The following PBX3 variants were observed in gnomAD, a reference collection of about 807,000 sequenced individuals.
PBX3 encodes PBX homeobox 3, also known as pre-B-cell leukemia transcription factor 3.
Under a neutral mutation model 48.5 loss-of-function variants are expected in PBX3, and 14 were observed. The observed-to-expected ratio is 0.29, with a 90% CI of 0.19 to 0.45. The LOEUF is 0.45. Among genes scored for constraint, PBX3 ranks in the 20% least tolerant of loss-of-function variants. PBX3 has a pLI of 1.00. For synonymous variants in PBX3, 210 were observed against 200.3 expected (o/e 1.05, Z -0.41); for missense variants, 386 against 546.7 (o/e 0.71, Z 2.93).
intron 2 of PBX3, among the ~76,000 whole-genome samples, chr9:125,751,388 G>A (rs1401254946): frequency 6.6e-6 from 1 of 152,210 alleles, no homozygotes; most frequent in Non-Finnish European, 1.5e-5. Flanking sequence ...AACACTGCCA[G>A]TTCTTATGCA....
At chr9:125,930,118 G>C (rs911968225) in intron 4 of PBX3, among the ~76,000 whole-genome samples, 11 of 152,184 alleles carry the variant, frequency 7.2e-5, no homozygotes, top group Admixed American at 2.0e-4. Flanking sequence ...TTTCCATTCT[G>C]ATGCTAAAAG....
At chr9:125,805,241 G>C (rs916363992) in intron 2 of PBX3, among the ~76,000 whole-genome samples, 2 of 152,066 alleles carry the variant, frequency 1.3e-5, no homozygotes, top group Non-Finnish European at 2.9e-5. Flanking sequence ...GCTGTGGTAA[G>C]GATTTGTTGG....
intron 2 of PBX3, among the ~76,000 whole-genome samples, chr9:125,865,011 C>T (rs1453944762): frequency 6.6e-6 from 1 of 152,208 alleles, no homozygotes; most frequent in East Asian, 1.9e-4. Context: ...GTTGTGCATG[C>T]ATAACATAAA....
chr9:125,950,020 T>C (rs1376020301), intron 5 of PBX3, among the ~76,000 whole-genome samples: 1 of 152,044 alleles, frequency 6.6e-6, no homozygotes, highest in Non-Finnish European at 1.5e-5. Flanking sequence ...GAAGGAAAAC[T>C]ATTGAGTTGT....
At chr9:125,916,873 A>G (rs1262670211) in intron 3 of PBX3, among the ~76,000 whole-genome samples, 2 of 152,208 alleles carry the variant, frequency 1.3e-5, no homozygotes, top group Non-Finnish European at 2.9e-5. Flanking sequence ...TAATACATGT[A>G]CACAAAAATA....
At chr9:125,866,240 A>G (rs975872204) in intron 2 of PBX3, among the ~76,000 whole-genome samples, 1 of 152,166 alleles carries the variant, frequency 6.6e-6, no homozygotes, top group African/African-American at 2.4e-5. Context: ...ATTCTATGTC[A>G]TCATCTTTAC....
intron 5 of PBX3, among the ~76,000 whole-genome samples, chr9:125,938,734 A>G (rs577375564): frequency 2.6e-5 from 4 of 152,332 alleles, no homozygotes; most frequent in East Asian, 1.9e-4. Flanking sequence ...AGCTAAAGAG[A>G]TAGGACAAGT....
chr9:125,936,252 G>A (rs749956781), intron 5 of PBX3, among the ~76,000 whole-genome samples: 1 of 152,104 alleles, frequency 6.6e-6, no homozygotes, highest in Non-Finnish European at 1.5e-5. Flanking sequence ...ACTGGTATTT[G>A]GACTGAGGAT....
At chr9:125,849,361 G>A (rs1392845586) in intron 2 of PBX3, among the ~76,000 whole-genome samples, 1 of 151,086 alleles carries the variant, frequency 6.6e-6, no homozygotes, top group Non-Finnish European at 1.5e-5. Context: ...TGCACATGGT[G>A]GATTTAAAAA....
chr9:125,781,362 G>C (rs377040882), intron 2 of PBX3, among the ~76,000 whole-genome samples: 2 of 151,802 alleles, frequency 1.3e-5, no homozygotes, highest in African/African-American at 4.8e-5. Context: ...CACCAAAAAA[G>C]TACGAAAACC....
intron 2 of PBX3, among the ~76,000 whole-genome samples, chr9:125,829,818 G>A (rs988716159): frequency 6.6e-6 from 1 of 152,186 alleles, no homozygotes; most frequent in Non-Finnish European, 1.5e-5. Flanking sequence ...GTGCTGCTCC[G>A]TGGCAGTGGA....
intron 2 of PBX3, among the ~76,000 whole-genome samples, chr9:125,805,087 C>T (rs1838084223): frequency 6.6e-6 from 1 of 151,750 alleles, no homozygotes; most frequent in African/African-American, 2.4e-5. Context: ...TAAGTGAGGC[C>T]ACTTTAGATA....
chr9:125,957,606 T>G (rs1226877344), intron 5 of PBX3, among the ~76,000 whole-genome samples: 1 of 152,238 alleles, frequency 6.6e-6, no homozygotes, highest in Non-Finnish European at 1.5e-5. Context: ...AAACTGTTAA[T>G]AAAGCTGTAA....
intron 2 of PBX3, among the ~76,000 whole-genome samples, chr9:125,754,825 T>G (rs1222031004): frequency 6.6e-6 from 1 of 152,098 alleles, no homozygotes; most frequent in African/African-American, 2.4e-5. Context: ...TGGCGTAACT[T>G]TTTTTGTATA....
intron 2 of PBX3, among the ~76,000 whole-genome samples, chr9:125,808,872 A>G (rs1445390994): frequency 6.6e-6 from 1 of 152,140 alleles, no homozygotes; most frequent in Admixed American, 6.5e-5. Flanking sequence ...TTGAACTCTC[A>G]GCCAACAGCA....
chr9:125,897,313 A>G (rs1408153035), intron 2 of PBX3, among the ~76,000 whole-genome samples: 1 of 151,896 alleles, frequency 6.6e-6, no homozygotes, highest in Non-Finnish European at 1.5e-5. Context: ...AGACTAATTC[A>G]TTTAGAATAG....
chr9:125,882,710 AGT>A (rs1840410346), intron 2 of PBX3, among the ~76,000 whole-genome samples: 2 of 152,220 alleles, frequency 1.3e-5, no homozygotes, highest in Non-Finnish European at 2.9e-5. Flanking sequence ...TTATATATTG[AGT>A]TTCTTCATTT....
At chr9:125,900,924 A>G (rs1013219277) in intron 2 of PBX3, among the ~76,000 whole-genome samples, 2 of 151,758 alleles carry the variant, frequency 1.3e-5, no homozygotes, top group Admixed American at 6.6e-5. Context: ...CAATGATTAA[A>G]TTATAATTTA....
chr9:125,807,371 G>T (rs1838157634), intron 2 of PBX3, among the ~76,000 whole-genome samples: 1 of 152,032 alleles, frequency 6.6e-6, no homozygotes, highest in South Asian at 2.1e-4. Flanking sequence ...AGAAGGAGTG[G>T]TACAACGTAG....
Sources: gnomAD v4.1 joint callset for allele counts (sites outside exome capture counted in the v4.1 genomes callset) on GRCh38, gnomAD v4.1.1 for gene constraint, MANE v1.5 for transcripts, NCBI Gene and HGNC (gene_info 2026-07-23, HGNC 2026-07-21) for gene names.